The following MAGI2 variants were observed in gnomAD, a reference collection of about 807,000 sequenced individuals.
MAGI2 encodes membrane associated guanylate kinase, WW and PDZ domain containing 2, also known as membrane-associated guanylate kinase, WW and PDZ domain-containing protein 2.
In MAGI2, 35 loss-of-function variants were observed where a neutral mutation model predicts 133.3. The ratio of observed to expected loss-of-function variants is 0.26; its 90% CI spans 0.20 to 0.35. The LOEUF is 0.35. MAGI2 is among the 10% of genes least tolerant of loss of function. MAGI2 has a pLI of 1.00. For missense variants in MAGI2, 1,636 were observed against 1,863.4 expected (o/e 0.88, Z 2.25); for synonymous variants, 729 against 710.6 (o/e 1.03, Z -0.41).
chr7:78,442,223 C>T (rs1787701360), intron 6 of MAGI2, among the ~76,000 whole-genome samples: 1 of 152,196 alleles, frequency 6.6e-6, no homozygotes, highest in Non-Finnish European at 1.5e-5. Flanking sequence ...ATGGAGACCT[C>T]CATTCTTCTT....
At chr7:78,869,545 G>A (rs1190142477) in intron 2 of MAGI2, among the ~76,000 whole-genome samples, 1 of 152,158 alleles carries the variant, frequency 6.6e-6, no homozygotes, top group African/African-American at 2.4e-5. Flanking sequence ...ATTTATAAAG[G>A]AAAGAAGTTT....
chr7:78,680,333 CATTAT>C (rs1815511234), intron 2 of MAGI2, among the ~76,000 whole-genome samples: 1 of 152,052 alleles, frequency 6.6e-6, no homozygotes, highest in African/African-American at 2.4e-5. Flanking sequence ...AATGAGTTAT[CATTAT>C]ATTATTTCCC....
At chr7:78,896,136 G>T (rs73144917) in intron 2 of MAGI2, among the ~76,000 whole-genome samples, 9,356 of 152,200 alleles carry the variant, frequency 0.061, 356 homozygotes, top group Middle Eastern at 0.11. Flanking sequence ...GTTAATTTGG[G>T]ATATAATTTT....
chr7:78,922,071 A>T (rs1169719765), intron 2 of MAGI2, among the ~76,000 whole-genome samples: 1 of 152,042 alleles, frequency 6.6e-6, no homozygotes, highest in Non-Finnish European at 1.5e-5. Flanking sequence ...AAAGCAACAG[A>T]CATGCTTTAT....
At chr7:78,624,954 T>A (rs550105785) in intron 3 of MAGI2, among the ~76,000 whole-genome samples, 1 of 152,080 alleles carries the variant, frequency 6.6e-6, no homozygotes, top group Non-Finnish European at 1.5e-5. Context: ...CTCGGGCAGG[T>A]CCTTAGGAGG....
At chr7:78,342,439 C>T (rs1034468600) in intron 9 of MAGI2, among the ~76,000 whole-genome samples, 1 of 152,122 alleles carries the variant, frequency 6.6e-6, no homozygotes, top group Non-Finnish European at 1.5e-5. Context: ...TACCATTTGA[C>T]CTAGCAATCC....
intron 21 of MAGI2, among the ~76,000 whole-genome samples, chr7:78,056,454 G>A (rs532223490): frequency 2.3e-4 from 35 of 152,164 alleles, no homozygotes; most frequent in Non-Finnish European, 4.1e-4. Flanking sequence ...TAAAGAAAAT[G>A]TGGTACATAT....
At chr7:78,718,794 G>A (rs1398921570) in intron 2 of MAGI2, among the ~76,000 whole-genome samples, 1 of 152,034 alleles carries the variant, frequency 6.6e-6, no homozygotes, top group African/African-American at 2.4e-5. Flanking sequence ...CCCTGTCCGT[G>A]GAAAAATTGT....
At chr7:78,760,087 G>A (rs894583602) in intron 2 of MAGI2, among the ~76,000 whole-genome samples, 2 of 151,788 alleles carry the variant, frequency 1.3e-5, no homozygotes, top group Non-Finnish European at 2.9e-5. Context: ...CTGCACTCCA[G>A]CCTGGGCAAC....
chr7:79,366,667 CTG>C (rs1842726686), intron 1 of MAGI2, among the ~76,000 whole-genome samples: 1 of 152,068 alleles, frequency 6.6e-6, no homozygotes, highest in Non-Finnish European at 1.5e-5. Flanking sequence ...TTGAAGGAAA[CTG>C]GCAAATTAAA....
chr7:79,100,395 T>G (rs1056368007), intron 1 of MAGI2, among the ~76,000 whole-genome samples: 1 of 152,008 alleles, frequency 6.6e-6, no homozygotes, highest in South Asian at 2.1e-4. Context: ...AATAGACATA[T>G]ATATATTTTA....
At chr7:78,220,979 C>T (rs748639696) in intron 10 of MAGI2, among the ~76,000 whole-genome samples, 2 of 152,056 alleles carry the variant, frequency 1.3e-5, no homozygotes, top group Non-Finnish European at 2.9e-5. Context: ...TTGTGTTTAC[C>T]CCTCCCACCT....
At chr7:79,410,514 T>C (rs1162621550) in intron 1 of MAGI2, 1 of 151,984 alleles carries the variant, frequency 6.6e-6, no homozygotes, top group Non-Finnish European at 1.5e-5. Flanking sequence ...ATGACATGGG[T>C]GGAAGTACAT....
At chr7:79,306,141 G>A in intron 1 of MAGI2, among the ~76,000 whole-genome samples, 1 of 146,430 alleles carries the variant, frequency 6.8e-6, no homozygotes. Context: ...GAAGTAGCAG[G>A]GACTACAGGC....
At chr7:79,225,282 G>A (rs945555610) in intron 1 of MAGI2, among the ~76,000 whole-genome samples, 22 of 152,210 alleles carry the variant, frequency 1.4e-4, no homozygotes, top group African/African-American at 4.6e-4. Flanking sequence ...TTTTACATCC[G>A]AAAACACTCA....
intron 6 of MAGI2, among the ~76,000 whole-genome samples, chr7:78,444,544 T>A (rs2110868): frequency 6.6e-6 from 1 of 151,918 alleles, no homozygotes; most frequent in Non-Finnish European, 1.5e-5. Flanking sequence ...AAATACTTCA[T>A]TGGCCTAGGA....
intron 12 of MAGI2, among the ~76,000 whole-genome samples, 187 bp from the exon 13 acceptor site, chr7:78,185,857 T>C (rs989462077): frequency 6.6e-6 from 1 of 152,202 alleles, no homozygotes; most frequent in Non-Finnish European, 1.5e-5. Flanking sequence ...TGAGCATGTA[T>C]GTAAATATGT....
intron 1 of MAGI2, among the ~76,000 whole-genome samples, chr7:79,225,212 A>G (rs1002803682): frequency 6.6e-6 from 1 of 152,210 alleles, no homozygotes; most frequent in Non-Finnish European, 1.5e-5. Context: ...CATAAAATAT[A>G]GAACCCGTGC....
intron 16 of MAGI2, among the ~76,000 whole-genome samples, chr7:78,155,338 G>C (rs958760445): frequency 4.6e-5 from 7 of 152,176 alleles, no homozygotes; most frequent in African/African-American, 1.7e-4. Context: ...ATCTGGCTGG[G>C]CACAGTAGCT....
Sources: gnomAD v4.1 joint callset for allele counts (sites outside exome capture counted in the v4.1 genomes callset) on GRCh38, gnomAD v4.1.1 for gene constraint, MANE v1.5 for transcripts, NCBI Gene and HGNC (gene_info 2026-07-23, HGNC 2026-07-21) for gene names.